The following RABGAP1L variants were observed in gnomAD, a reference collection of about 807,000 sequenced individuals.
RABGAP1L encodes the protein RAB GTPase activating protein 1 like.
Under a neutral mutation model 137.7 loss-of-function variants are expected in RABGAP1L, and 63 were observed. That is an observed-to-expected ratio of 0.46 (90% CI 0.37 to 0.56). The LOEUF (loss-of-function observed/expected upper bound fraction) is 0.56, where lower values mean the gene tolerates loss of function less well. Among genes scored for constraint, RABGAP1L ranks in the 20% least tolerant of loss-of-function variants. The probability of loss-of-function intolerance (pLI) is 0.00; values close to 1 mark genes in which losing one functional copy is unlikely to be tolerated. For synonymous variants in RABGAP1L, 431 were observed against 433.7 expected, an observed-to-expected ratio of 0.99 and a Z score of 0.08; for missense variants, 1,095 against 1,244.0, an observed-to-expected ratio of 0.88 and a Z score of 1.80.
At chr1:174,909,562 ATAAAT>A (rs1659719318) in intron 19 of RABGAP1L, among the ~76,000 whole-genome samples, 1 of 152,250 alleles carries the variant, frequency 6.6e-6, no homozygotes, top group African/African-American at 2.4e-5. Flanking sequence ...ATGGAATAAA[ATAAAT>A]TAAAACTATG....
chr1:174,182,812 C>G (rs920311479), intron 1 of RABGAP1L, among the ~76,000 whole-genome samples: 3 of 152,108 alleles, frequency 2.0e-5, no homozygotes, highest in African/African-American at 7.2e-5. Flanking sequence ...TATGTGTTGC[C>G]CTGACAAATA....
intron 14 of RABGAP1L, among the ~76,000 whole-genome samples, chr1:174,658,560 T>C (rs12088650): frequency 0.029 from 4,350 of 152,246 alleles, 216 homozygotes; most frequent in African/African-American, 0.096. Flanking sequence ...TGTGTGCAAA[T>C]ACCCTCCTTA....
At chr1:174,467,960 G>A (rs769455277) in intron 13 of RABGAP1L, among the ~76,000 whole-genome samples, 1 of 152,078 alleles carries the variant, frequency 6.6e-6, no homozygotes, top group African/African-American at 2.4e-5. Context: ...ATAGGAAAAC[G>A]TTAGCATTTT....
intron 11 of RABGAP1L, among the ~76,000 whole-genome samples, chr1:174,306,699 T>C (rs6700482): frequency 0.29 from 44,376 of 151,652 alleles, 7,249 homozygotes; most frequent in African/African-American, 0.43. Flanking sequence ...TTACCACTGC[T>C]TTTTTTTGGA....
At chr1:174,824,349 G>A (rs954892083) in intron 19 of RABGAP1L, among the ~76,000 whole-genome samples, 1 of 151,720 alleles carries the variant, frequency 6.6e-6, no homozygotes, top group East Asian at 1.9e-4. Flanking sequence ...ACAAAAATTA[G>A]CTGGGCATGG....
intron 19 of RABGAP1L, among the ~76,000 whole-genome samples, chr1:174,903,299 T>C (rs1424526312): frequency 6.6e-6 from 1 of 152,240 alleles, no homozygotes. Flanking sequence ...TAGCTGGAGT[T>C]GTCCCATTAC....
intron 11 of RABGAP1L, among the ~76,000 whole-genome samples, chr1:174,322,219 A>T (rs963268043): frequency 6.6e-6 from 1 of 152,092 alleles, no homozygotes; most frequent in Non-Finnish European, 1.5e-5. Context: ...GATTTTACAT[A>T]TAGGTCTGTT....
intron 18 of RABGAP1L, among the ~76,000 whole-genome samples, chr1:174,789,613 T>G (rs1687706032): frequency 6.6e-6 from 1 of 152,142 alleles, no homozygotes; most frequent in Non-Finnish European, 1.5e-5. Flanking sequence ...ACCCACAAGT[T>G]ACTGTGTTGT....
At chr1:174,428,200 A>G (rs534580945) in intron 13 of RABGAP1L, among the ~76,000 whole-genome samples, 6 of 152,326 alleles carry the variant, frequency 3.9e-5, no homozygotes, top group South Asian at 4.1e-4. Context: ...GTCAACAGAA[A>G]CATTATCCTT....
At chr1:174,812,629 A>T (rs1689982058) in intron 19 of RABGAP1L, among the ~76,000 whole-genome samples, 1 of 152,176 alleles carries the variant, frequency 6.6e-6, no homozygotes, top group African/African-American at 2.4e-5. Context: ...ACAAACAGAG[A>T]TCCTGGTCTT....
chr1:174,240,755 T>A (rs1194303076), intron 4 of RABGAP1L, among the ~76,000 whole-genome samples: 1 of 152,178 alleles, frequency 6.6e-6, no homozygotes, highest in Non-Finnish European at 1.5e-5. Context: ...CCAGGAATAG[T>A]CTATACTATT....
At chr1:174,176,374 T>A (rs1665850585) in intron 1 of RABGAP1L, among the ~76,000 whole-genome samples, 1 of 152,162 alleles carries the variant, frequency 6.6e-6, no homozygotes, top group Admixed American at 6.5e-5. Context: ...GTTCACTGAT[T>A]TATGCAGATC....
At position 174,448,866 on chromosome 1, in the gene RABGAP1L, C is replaced by G; in HGVS notation, c.1710+54721C>G. 6 of 1,613,906 alleles carry G rather than the reference C, an allele frequency of 3.7e-6. No homozygotes were observed. The South Asian group carries it at 6.6e-5, about 18-fold the overall frequency. Reference sequence around the variant, plus strand: ...TTCCCTAGTCATGAGGTAGATTCTTCCAGAGAGACTGGACACAGCCCTGAC... The same window carrying G: ...TTCCCTAGTCATGAGGTAGATTCTTGCAGAGAGACTGGACACAGCCCTGAC... On this transcript the variant is annotated intron_variant, in intron 13 of 25. Coordinates refer to ENST00000681986, the MANE Select transcript of RABGAP1L (RefSeq NM_001366446.1). This position sits in a 1 kb window ranked among gnomAD's most constrained non-coding sequence, Gnocchi z 4.2.
intron 13 of RABGAP1L, among the ~76,000 whole-genome samples, chr1:174,610,350 C>T (rs1671118783): frequency 6.6e-6 from 1 of 151,512 alleles, no homozygotes; most frequent in South Asian, 2.1e-4. Context: ...ATGATGATTT[C>T]CAATTTCATC....
At chr1:174,681,548 T>C (rs1557979963) in intron 14 of RABGAP1L, among the ~76,000 whole-genome samples, 1 of 152,208 alleles carries the variant, frequency 6.6e-6, no homozygotes, top group Non-Finnish European at 1.5e-5. Context: ...AGATCTGTGG[T>C]TGCCTGGAGT....
chr1:174,938,162 A>G (rs931548024), intron 19 of RABGAP1L, among the ~76,000 whole-genome samples: 10 of 152,124 alleles, frequency 6.6e-5, no homozygotes, highest in Non-Finnish European at 1.3e-4. Flanking sequence ...GTCCTTTTCA[A>G]TTACTAAAGA....
intron 13 of RABGAP1L, chr1:174,545,731 C>G (rs536027140): frequency 6.6e-6 from 1 of 152,506 alleles, no homozygotes; most frequent in East Asian, 1.9e-4. Context: ...CGGTTCAAAC[C>G]TGAGTTGTAA....
chr1:174,292,673 G>T (rs1676744009), intron 10 of RABGAP1L, among the ~76,000 whole-genome samples: 1 of 151,914 alleles, frequency 6.6e-6, no homozygotes, highest in Non-Finnish European at 1.5e-5. Flanking sequence ...CTCAGCATAT[G>T]GTCTACTGTG....
intron 13 of RABGAP1L, among the ~76,000 whole-genome samples, chr1:174,442,588 G>C (rs989457971): frequency 5.9e-5 from 9 of 152,066 alleles, no homozygotes; most frequent in Non-Finnish European, 1.3e-4. Flanking sequence ...TCAGGGAGTA[G>C]AAATCATTTT....
Sources: allele counts gnomAD v4.1 joint callset (sites outside exome capture counted in the v4.1 genomes callset), GRCh38; gene constraint gnomAD v4.1.1; non-coding constraint Gnocchi (gnomAD v3.1); transcripts MANE v1.5; gene names NCBI Gene and HGNC (gene_info 2026-07-23, HGNC 2026-07-21).